CACNA1C: variants seen among roughly 807,000 people sequenced by gnomAD.
The protein encoded by CACNA1C is voltage-dependent L-type calcium channel subunit alpha-1C.
In CACNA1C, 30 loss-of-function variants were observed where a neutral mutation model predicts 229.0. That is an observed-to-expected ratio of 0.13 (90% CI 0.10 to 0.18). The LOEUF (loss-of-function observed/expected upper bound fraction) is 0.18. Ranked by LOEUF, CACNA1C falls within the 10% of genes least tolerant of loss-of-function variation. CACNA1C has a pLI of 1.00. For missense variants in CACNA1C, 1,658 were observed against 2,845.0 expected, an observed-to-expected ratio of 0.58 and a Z score of 9.49; for synonymous variants, 1,114 against 1,132.5, an observed-to-expected ratio of 0.98 and a Z score of 0.33.
In CACNA1C at chr12:2,679,480, T is replaced by A. The variant is rs1240933826; in HGVS notation, c.5128T>A (p.Tyr1710Asn). 2 of 1,600,192 alleles carry A rather than the reference T, an allele frequency of 1.2e-6. No homozygotes were observed. The highest frequency in any genetic ancestry group is 1.7e-6 in the Non-Finnish European group (2 of 1,172,142). ...CCTGTTCGGCAACCACGTCAGCTAC[T>A]ACCAAAGCGACGGCCGGAGCGCCTT... Reference protein sequence around the residue: ...GGLFGNHVSYYQSDGRSAFPQ... With the variant: ...GGLFGNHVSYNQSDGRSAFPQ... Residue 1710 changes from tyrosine to asparagine, a missense_variant, in exon 42 of 47, where the codon TAC becomes AAC. By Grantham distance (143) the Tyr-to-Asn change is moderately radical. Coordinates refer to ENST00000399655, the MANE Select transcript of CACNA1C (RefSeq NM_000719.7). The surrounding 1 kb of genome is among the most constrained non-coding windows in gnomAD (Gnocchi z 5.5).
At chr12:2,491,856 G>A (rs2099735632) in intron 6 of CACNA1C, among the ~76,000 whole-genome samples, 1 of 152,154 alleles carries the variant, frequency 6.6e-6, no homozygotes, top group Non-Finnish European at 1.5e-5. Flanking sequence ...TCAATGCACA[G>A]CCTAACGTAG....
At chr12:2,177,877 T>A (rs1028174897) in intron 3 of CACNA1C, among the ~76,000 whole-genome samples, 3 of 152,084 alleles carry the variant, frequency 2.0e-5, no homozygotes, top group African/African-American at 7.2e-5. Context: ...CCTCGGGTGA[T>A]CCATCCGCCT....
In CACNA1C at chr12:2,647,947, G is replaced by A. The variant is rs141240869; in HGVS notation, c.3913-528G>A. 1.4e-3 allele frequency among the ~76,000 whole-genome samples: 212 copies of A among 152,278 alleles called. 3 individuals are homozygous for A. The East Asian group carries it at 0.039, about 28-fold the overall frequency. The stretch of plus-strand genomic sequence containing the variant: ...GTTTGAGACCAGCCTGGGCAGTATA[G>A]TGAGACCCTGTCTCTAAAAAAATTA... On this transcript the variant is annotated intron_variant, in intron 30 of 46. Coordinates refer to ENST00000399655, the MANE Select transcript of CACNA1C (RefSeq NM_000719.7). This position sits in a 1 kb window ranked among gnomAD's most constrained non-coding sequence, Gnocchi z 4.2.
intron 5 of CACNA1C, among the ~76,000 whole-genome samples, chr12:2,464,326 A>T (rs1475867528): frequency 6.6e-6 from 1 of 152,188 alleles, no homozygotes; most frequent in Non-Finnish European, 1.5e-5. Flanking sequence ...TCAAATCAGA[A>T]CACCTGTCCA....
chr12:2,177,828 G>A (rs773227728), intron 3 of CACNA1C, among the ~76,000 whole-genome samples: 2 of 151,962 alleles, frequency 1.3e-5, no homozygotes, highest in Non-Finnish European at 2.9e-5. Context: ...GTAGAGATGG[G>A]ATTTTGCCAT....
At chr12:2,138,614 C>G (rs907874733) in intron 3 of CACNA1C, among the ~76,000 whole-genome samples, 5 of 150,794 alleles carry the variant, frequency 3.3e-5, no homozygotes, top group Non-Finnish European at 4.4e-5. Context: ...CGCTTCCTGC[C>G]CATCGGAGGA....
At chr12:2,564,151 C>A (rs2049002344) in intron 11 of CACNA1C, among the ~76,000 whole-genome samples, 1 of 152,216 alleles carries the variant, frequency 6.6e-6, no homozygotes, top group Non-Finnish European at 1.5e-5. Flanking sequence ...CAGACACACA[C>A]ACACCGGAAA....
intron 3 of CACNA1C, among the ~76,000 whole-genome samples, chr12:2,175,720 A>T (rs142445525): frequency 1.9e-3 from 293 of 152,276 alleles, no homozygotes; most frequent in African/African-American, 6.4e-3. Context: ...TTTTGCGTTG[A>T]GTAGCTGGAA....
At chr12:2,460,598 T>G (rs2099494019) in intron 5 of CACNA1C, among the ~76,000 whole-genome samples, 3 of 152,206 alleles carry the variant, frequency 2.0e-5, no homozygotes, top group Admixed American at 2.0e-4. Context: ...TTAAGTAAGG[T>G]AGACGTGTCT....
chr12:2,069,409 T>TG (rs1422140757), intron 1 of CACNA1C, among the ~76,000 whole-genome samples: 3 of 152,208 alleles, frequency 2.0e-5, no homozygotes, highest in Non-Finnish European at 2.9e-5. Context: ...GACTTGCATG[T>TG]GGGGGGTGTG....
intron 3 of CACNA1C, among the ~76,000 whole-genome samples, chr12:2,426,502 G>A (rs2099033693): frequency 6.6e-6 from 1 of 152,232 alleles, no homozygotes; most frequent in Non-Finnish European, 1.5e-5. Context: ...AGCTGTATTT[G>A]AAAGGCAGTA....
chr12:2,619,335 C>A (rs748738064), intron 29 of CACNA1C, among the ~76,000 whole-genome samples: 1 of 152,232 alleles, frequency 6.6e-6, no homozygotes, highest in Non-Finnish European at 1.5e-5. Flanking sequence ...CGGATCCCTA[C>A]GCCTGGGGAG....
rs527792221 is a variant in CACNA1C at position 2,649,801 on chromosome 12, T to TTC, written c.3945+1297_3945+1298dup. Among the ~76,000 whole-genome samples, 95 of 152,242 alleles carry TTC rather than the reference T, an allele frequency of 6.2e-4. 1 individual carries two copies. The highest frequency in any genetic ancestry group is 2.2e-3 in the African/African-American group (92 of 41,512). On this transcript the variant is annotated intron_variant, in intron 31 of 46. Coordinates refer to ENST00000399655, the MANE Select transcript of CACNA1C (RefSeq NM_000719.7). The surrounding 1 kb of genome is among the most constrained non-coding windows in gnomAD (Gnocchi z 4.4). ...TCTCCACTTAAGCTTGTTCTTTTTTTTCTCCTTTCTCGAACACGGTGGAAC... is the reference window on the plus strand; with the variant it reads ...TCTCCACTTAAGCTTGTTCTTTTTTTTCTCTCCTTTCTCGAACACGGTGGAAC...
intron 9 of CACNA1C, among the ~76,000 whole-genome samples, chr12:2,544,001 T>C (rs990228784): frequency 6.6e-6 from 1 of 152,128 alleles, no homozygotes; most frequent in Non-Finnish European, 1.5e-5. Context: ...CCACCCCCTA[T>C]ATCTCCAGAA....
chr12:2,396,110 C>G (rs959724806), intron 3 of CACNA1C, among the ~76,000 whole-genome samples: 1 of 152,010 alleles, frequency 6.6e-6, no homozygotes, highest in African/African-American at 2.4e-5. Context: ...AGTGTGTGTG[C>G]GTGGTGTCTT....
At chr12:2,002,578 C>T (rs1329179107) in intron 1 of CACNA1C, among the ~76,000 whole-genome samples, 1 of 152,164 alleles carries the variant, frequency 6.6e-6, no homozygotes, top group African/African-American at 2.4e-5. Flanking sequence ...GTATCTATCA[C>T]ATTGATAAGG....
chr12:2,677,077 C>A lies in CACNA1C; in HGVS notation c.4829-17C>A. 1 of 1,610,838 alleles carries A rather than the reference C, an allele frequency of 6.2e-7. No individual in the cohort carries two copies. The highest frequency in any genetic ancestry group is 1.1e-5 in the South Asian group (1 of 90,218). On this transcript the variant is annotated splice_polypyrimidine_tract_variant and intron_variant, in intron 39 of 46. Transcript: ENST00000399655. This position sits in a 1 kb window ranked among gnomAD's most constrained non-coding sequence, Gnocchi z 7.4. Reference sequence around the variant, plus strand: ...CTGCTCCCCTCTTACCCCCTCTCCCCTCTCCATACGTCTCAGATGATGAGG... The same window carrying A: ...CTGCTCCCCTCTTACCCCCTCTCCCATCTCCATACGTCTCAGATGATGAGG...
chr12:2,565,530 T>C (rs2050345652), intron 11 of CACNA1C, among the ~76,000 whole-genome samples: 1 of 151,354 alleles, frequency 6.6e-6, no homozygotes, highest in Admixed American at 6.6e-5. Flanking sequence ...CTTAATTGGT[T>C]TGGTGTTGGG....
intron 3 of CACNA1C, among the ~76,000 whole-genome samples, chr12:2,365,560 T>C (rs2097699007): frequency 6.6e-6 from 1 of 152,256 alleles, no homozygotes; most frequent in Admixed American, 6.5e-5. Flanking sequence ...CTAGTCAGCA[T>C]GTCTACCACT....
Sources: allele counts gnomAD v4.1 joint callset (sites outside exome capture counted in the v4.1 genomes callset), GRCh38; gene constraint gnomAD v4.1.1; non-coding constraint Gnocchi (gnomAD v3.1); transcripts MANE v1.5; gene names NCBI Gene and HGNC (gene_info 2026-07-23, HGNC 2026-07-21).